TDRD6: variants seen among roughly 807,000 people sequenced by gnomAD.
The protein encoded by TDRD6 is tudor domain-containing protein 6.
Under a neutral mutation model 157.5 loss-of-function variants are expected in TDRD6, and 186 were observed. The observed-to-expected ratio is 1.18, with a 90% CI of 1.05 to 1.33. The LOEUF (loss-of-function observed/expected upper bound fraction) is 1.33. Ranked by LOEUF, TDRD6 falls within the 40% of genes most tolerant of loss-of-function variation. TDRD6 has a pLI of 0.00. For synonymous variants in TDRD6, 1,075 were observed against 945.2 expected, an observed-to-expected ratio of 1.14 and a Z score of -2.52; for missense variants, 3,066 against 2,508.0, an observed-to-expected ratio of 1.22 and a Z score of -4.75.
chr6:46,698,036 C>A lies in TDRD6; in HGVS notation c.6210C>A (p.Asn2070Lys). 6.2e-7 allele frequency: 1 copy of A among 1,611,296 alleles called. No individual in the cohort carries two copies. Among genetic ancestry groups the A allele is most frequent in the Non-Finnish European group, 8.5e-7 (1 of 1,178,250 alleles). ...CAAATGGTATGGAGGAGATAGTGAACCCTGAGAATGTCTGGAATGGCATAC... is the reference window on the plus strand; with the variant it reads ...CAAATGGTATGGAGGAGATAGTGAAACCTGAGAATGTCTGGAATGGCATAC... The part of the protein sequence containing the change: ...NLSNGMEEIV[N>K]PENVWNGIPK... The change falls in exon 3 of 4, where the codon AAC becomes AAA. Residue 2070 changes from asparagine to lysine, a missense_variant. Coordinates refer to ENST00000316081, the MANE Select transcript of TDRD6 (RefSeq NM_001010870.3).
chr6:46,701,789 C>A (rs907460608), intron 3 of TDRD6, 69 bp from the exon 4 acceptor site: 47 of 1,501,484 alleles, frequency 3.1e-5, no homozygotes, highest in Non-Finnish European at 4.1e-5. Flanking sequence ...CATGGTAACA[C>A]CCATGGAAAT....
chr6:46,693,069 T>C lies in TDRD6; in HGVS notation c.4941T>C (p.Ser1647=). ...TTAACATTTCAGAAGGATTATGTTC[T>C]CAAGAGGGAAATGACTATTTCTATG... ...SGFNISEGLC[S]QEGNDYFYEI... Residue 1647 remains serine (S), a synonymous_variant, in exon 1 of 4, where the codon TCT becomes TCC. Transcript: ENST00000316081. The C allele has an allele frequency of 1.2e-6, 2 of 1,614,002 alleles. No homozygotes were observed. Among genetic ancestry groups the C allele is most frequent in the Non-Finnish European group, 8.5e-7 (1 of 1,179,992 alleles).
At chr6:46,685,556 C>T (rs989829185), upstream of TDRD6, among the ~76,000 whole-genome samples, 5 of 152,076 alleles carry the variant, frequency 3.3e-5, no homozygotes, top group South Asian at 2.1e-4. Flanking sequence ...TTATCCCTTA[C>T]GTATTTGTAT....
Position 46,688,610 on chromosome 6 carries a change from T to C in TDRD6, c.482T>C (p.Leu161Pro), listed in dbSNP as rs201314793. Reference protein sequence around the residue: ...PADAVDFLSNLQGKEVHGCVL... With the variant: ...PADAVDFLSNPQGKEVHGCVL... ...GACGCCGTGGACTTCCTTAGCAACC[T>C]TCAGGGCAAGGAGGTGCACGGGTGC... The change falls in exon 1 of 4, where the codon CTT becomes CCT. Residue 161 changes from leucine (L) to proline (P), a missense_variant. Leu to Pro is a moderately conservative substitution (Grantham distance 98, BLOSUM62 -3). Transcript: ENST00000316081. 1 of 1,599,030 alleles carries C rather than the reference T, an allele frequency of 6.3e-7. No homozygotes were observed. Among genetic ancestry groups the C allele is most frequent in the Non-Finnish European group, 8.5e-7 (1 of 1,179,760 alleles).
chr6:46,693,038 C>T lies in TDRD6; in HGVS notation c.4910C>T (p.Ser1637Leu). Residue 1637 changes from serine (S) to leucine (L), a missense_variant, in exon 1 of 4, where the codon TCA (serine) becomes TTA (leucine). Physicochemically the swap from Ser to Leu is moderately radical, Grantham distance 145. Coordinates refer to ENST00000316081, the MANE Select transcript of TDRD6 (RefSeq NM_001010870.3). ...VPMQAFPCCL[S>L]GFNISEGLCS... is the part of the protein sequence containing the mutation. ...ATGCAAGCCTTTCCATGTTGCCTCT[C>T]AGGGTTTAACATTTCAGAAGGATTA... 6.2e-7 allele frequency: 1 copy of T among 1,613,544 alleles called. No homozygotes were observed. The highest frequency in any genetic ancestry group is 8.5e-7 in the Non-Finnish European group (1 of 1,179,842).
chr6:46,681,389 C>A, the TDRD6 span: 1 of 330,420 alleles, frequency 3.0e-6, no homozygotes, highest in Non-Finnish European at 6.2e-6. Context: ...GATTTTAAAG[C>A]ATGTATGGAA....
At chr6:46,699,172 C>G (rs74858511) in intron 3 of TDRD6, among the ~76,000 whole-genome samples, 100 of 152,284 alleles carry the variant, frequency 6.6e-4, no homozygotes, top group African/African-American at 2.4e-3. Flanking sequence ...TTTTCTGGCT[C>G]CCAGGATCCT....
chr6:46,692,490 T>C lies in TDRD6; in HGVS notation c.4362T>C (p.Phe1454=), dbSNP rs1562057110. 1 of 1,613,850 alleles carries C rather than the reference T, an allele frequency of 6.2e-7. No homozygotes were observed. Among genetic ancestry groups the C allele is most frequent in the East Asian group, 2.2e-5 (1 of 44,888 alleles). Residue 1454 remains phenylalanine, a synonymous_variant, in exon 1 of 4, where the codon TTT becomes TTC. Coordinates refer to ENST00000316081, the MANE Select transcript of TDRD6 (RefSeq NM_001010870.3). ...CAATAAGATGTGAATTTGTTAAATT[T>C]CAAGACAGATGGGAAGTTATTCTTG... The part of the protein sequence containing the change: ...EAAIRCEFVK[F]QDRWEVILAD...
upstream of TDRD6, among the ~76,000 whole-genome samples, chr6:46,684,540 C>G (rs757312898): frequency 2.0e-5 from 3 of 152,090 alleles, no homozygotes; most frequent in Non-Finnish European, 2.9e-5. Flanking sequence ...CTCCTGGAAG[C>G]CACTAATCTT....
chr6:46,686,532 G>C (rs180950877), upstream of TDRD6, among the ~76,000 whole-genome samples: 1 of 150,214 alleles, frequency 6.7e-6, no homozygotes, highest in Non-Finnish European at 1.5e-5. Flanking sequence ...GTAGGGTCAC[G>C]AGGAAACGAC....
intron 2 of TDRD6, 58 bp from the exon 3 acceptor site, chr6:46,697,940 C>A: frequency 1.1e-6 from 1 of 925,846 alleles, no homozygotes; most frequent in South Asian, 1.7e-5. Context: ...TGCTCTGGTA[C>A]ATAAATCAGT....
At position 46,691,133 on chromosome 6, in the gene TDRD6, A is replaced by AGG; in HGVS notation, c.3005_3006insGG (p.Tyr1002Ter). The change falls in exon 1 of 4, where the codon TAT (tyrosine) becomes TAGGT (stop). Residue 1002 changes from tyrosine (Y) to a stop codon, truncating the protein, a stop_gained and frameshift_variant. Transcript: ENST00000316081. LOFTEE classifies it high-confidence loss of function. ...CATATTGATGACCCTTGGACATTTT[A>AGG]TTGCCAGCTGGCAAGAAATGCAAAT... ...ITHIDDPWTF[Y>*]CQLARNANIL... 6.2e-7 allele frequency: 1 copy of AGG among 1,613,830 alleles called. No individual in the cohort carries two copies. The highest frequency in any genetic ancestry group is 8.5e-7 in the Non-Finnish European group (1 of 1,179,898).
rs1764474953 is a variant in TDRD6, at chr6:46,695,819, A to T, written c.6047-2A>T. On this transcript the variant is annotated splice_acceptor_variant, in intron 1 of 3. Coordinates refer to ENST00000316081, the MANE Select transcript of TDRD6 (RefSeq NM_001010870.3). LOFTEE classifies it high-confidence loss of function. Reference sequence around the variant, plus strand: ...TGAGTCTTACTCAATTCAATTTGGCAGCTCAACTACAGAACACCTACACTC... The same window carrying T: ...TGAGTCTTACTCAATTCAATTTGGCTGCTCAACTACAGAACACCTACACTC... The T allele has an allele frequency of 6.2e-7, 1 of 1,611,968 alleles. No homozygotes were observed. The highest frequency in any genetic ancestry group is 8.5e-7 in the Non-Finnish European group (1 of 1,179,242).
At position 46,702,060 on chromosome 6, in the gene TDRD6, G is replaced by A. The variant is rs957690126; in HGVS notation, c.*173G>A. 2 of 615,990 alleles carry A rather than the reference G, an allele frequency of 3.2e-6. No homozygotes were observed. Among genetic ancestry groups the A allele is most frequent in the Non-Finnish European group, 5.7e-6 (2 of 352,844 alleles). 38.2% of individuals were successfully genotyped at this position (615,990 alleles called of 1,614,324 possible). On this transcript the variant is annotated 3_prime_UTR_variant, in exon 4 of 4. Coordinates refer to ENST00000316081, the MANE Select transcript of TDRD6 (RefSeq NM_001010870.3). The stretch of plus-strand genomic sequence containing the variant: ...AAATTAGGTCTCAGGTTGATGGTGG[G>A]GTGTGTTTATAGTGATCCTGTTATA...
In TDRD6 at chr6:46,692,028, T is replaced by C. The variant is rs762320263; in HGVS notation, c.3900T>C (p.Thr1300=). The part of the protein sequence containing the change: ...PLKFCEFPQK[T]IMPGFKTTVY... ...AATTTTGTGAGTTCCCACAGAAGAC[T>C]ATAATGCCTGGATTTAAAACAACTG... Residue 1300 remains threonine, a synonymous_variant, in exon 1 of 4, where the codon ACT becomes ACC. Transcript: ENST00000316081. 1 of 1,613,722 alleles carries C rather than the reference T, an allele frequency of 6.2e-7. No individual in the cohort carries two copies. Among genetic ancestry groups the C allele is most frequent in the Non-Finnish European group, 8.5e-7 (1 of 1,179,898 alleles).
In TDRD6 at chr6:46,688,941, C is replaced by T. The variant is rs767171983; in HGVS notation, c.813C>T (p.Ser271=). 1.9e-6 allele frequency: 3 copies of T among 1,611,360 alleles called. No homozygotes were observed. The highest frequency in any genetic ancestry group is 1.7e-6 in the Non-Finnish European group (2 of 1,178,448). ...ACCGCATTCACTGCCAGCTCCGCAG[C>T]GTCTCGCAGGAGATCCACCGCCTCT... The part of the protein sequence containing the change: ...HPHRIHCQLR[S]VSQEIHRLSE... The change falls in exon 1 of 4, where the codon AGC becomes AGT. Residue 271 remains serine, a synonymous_variant. Coordinates refer to ENST00000316081, the MANE Select transcript of TDRD6 (RefSeq NM_001010870.3).
Position 46,692,930 on chromosome 6 carries a change from G to T in TDRD6, c.4802G>T (p.Arg1601Met), listed in dbSNP as rs756150106. Residue 1601 changes from arginine to methionine, a missense_variant, in exon 1 of 4, where the codon AGG (arginine) becomes ATG (methionine). Arg to Met is a moderately conservative substitution (Grantham distance 91). Transcript: ENST00000316081. The part of the protein sequence containing the change: ...NICEDYLVSV[R>M]LVDFGNIEDC... ...TGTGAAGATTATCTTGTATCTGTCAGGCTTGTGGACTTTGGAAACATTGAA... is the reference window on the plus strand; with the variant it reads ...TGTGAAGATTATCTTGTATCTGTCATGCTTGTGGACTTTGGAAACATTGAA... 1 of 1,614,068 alleles carries T rather than the reference G, an allele frequency of 6.2e-7. No individual in the cohort carries two copies. Among genetic ancestry groups the T allele is most frequent in the Non-Finnish European group, 8.5e-7 (1 of 1,179,994 alleles).
chr6:46,690,771 G>C lies in TDRD6; in HGVS notation c.2643G>C (p.Arg881Ser), dbSNP rs1764288751. The C allele has an allele frequency of 1.9e-6, 3 of 1,614,120 alleles. No individual in the cohort carries two copies. The highest frequency in any genetic ancestry group is 2.5e-6 in the Non-Finnish European group (3 of 1,180,008). Reference sequence around the variant, plus strand: ...TGAAGGTTAAGGCACAGGCTTTTAGGTGCAGTCTTTATAATTTAATTCAAC... The same window carrying C: ...TGAAGGTTAAGGCACAGGCTTTTAGCTGCAGTCTTTATAATTTAATTCAAC... ...EFLKVKAQAF[R>S]CSLYNLIQPV... The change falls in exon 1 of 4, where the codon AGG becomes AGC. Residue 881 changes from arginine (R) to serine (S), a missense_variant. Coordinates refer to ENST00000316081, the MANE Select transcript of TDRD6 (RefSeq NM_001010870.3).
chr6:46,694,433 C>G (rs1351691995), intron 1 of TDRD6, among the ~76,000 whole-genome samples: 1 of 152,078 alleles, frequency 6.6e-6, no homozygotes, highest in African/African-American at 2.4e-5. Context: ...AACTCCTGGG[C>G]TCAAGCAGTC....
Sources: allele counts gnomAD v4.1 joint callset (sites outside exome capture counted in the v4.1 genomes callset), GRCh38; gene constraint gnomAD v4.1.1; transcripts MANE v1.5; gene names NCBI Gene and HGNC (gene_info 2026-07-23, HGNC 2026-07-21).